NOL4L: variants seen among roughly 807,000 people sequenced by gnomAD.
NOL4L encodes nucleolar protein 4 like, also known as nucleolar protein 4-like.
Under a neutral mutation model 64.5 loss-of-function variants are expected in NOL4L, and 7 were observed. That is an observed-to-expected ratio of 0.11 (90% CI 0.06 to 0.20). The LOEUF is 0.20. NOL4L is among the 10% of genes least tolerant of loss of function. The pLI, the probability that NOL4L is intolerant of heterozygous loss-of-function variation, is 1.00. For synonymous variants in NOL4L, 413 were observed against 401.0 expected (o/e 1.03, Z -0.36); for missense variants, 680 against 967.1 (o/e 0.70, Z 3.94).
At position 32,551,378 on chromosome 20, in the gene NOL4L, A is replaced by AATCATC. The variant is rs58444321; in HGVS notation, c.322-23471_322-23466dup. ...ACGACAGCGTGAGACTCGGTCTCAA[A>AATCATC]ATCATCATCATCATCATCATCATCA... On this transcript the variant is annotated intron_variant, in intron 1 of 10. Coordinates refer to ENST00000621426, the MANE Select transcript of NOL4L (RefSeq NM_001256798.2). Among the ~76,000 whole-genome samples the AATCATC allele has an allele frequency of 2.2e-3, 325 of 149,656 alleles. 3 individuals are homozygous for AATCATC. Among genetic ancestry groups the AATCATC allele is most frequent in the Middle Eastern group, 3.4e-3 (1 of 292 alleles).
At chr20:32,579,381 T>C (rs1980329187) in intron 1 of NOL4L, among the ~76,000 whole-genome samples, 1 of 152,208 alleles carries the variant, frequency 6.6e-6, no homozygotes, top group South Asian at 2.1e-4. Flanking sequence ...AGCACACACA[T>C]GTTCAGGATT....
chr20:32,560,748 C>T (rs1009020829), intron 1 of NOL4L, among the ~76,000 whole-genome samples: 2 of 152,244 alleles, frequency 1.3e-5, no homozygotes, highest in South Asian at 2.1e-4. Flanking sequence ...AGAACCTGTG[C>T]GCCAAACCAC....
At chr20:32,546,859 G>C (rs2145602267) in intron 1 of NOL4L, among the ~76,000 whole-genome samples, 2 of 152,318 alleles carry the variant, frequency 1.3e-5, no homozygotes, top group Non-Finnish European at 2.9e-5. Context: ...CCCTGTGATG[G>C]AGGCTGTCTT....
chr20:32,504,753 GCCA>G (rs1407173849), intron 4 of NOL4L, among the ~76,000 whole-genome samples: 1 of 151,914 alleles, frequency 6.6e-6, no homozygotes, highest in Non-Finnish European at 1.5e-5. Flanking sequence ...ACAAGCACGT[GCCA>G]CCATGCCCAG....
rs563607836 is a variant in NOL4L, at chr20:32,573,242, C to G, written c.321+11328G>C. Among the ~76,000 whole-genome samples the G allele has an allele frequency of 3.3e-5, 5 of 152,252 alleles. No homozygotes were observed. The East Asian group carries it at 9.7e-4, about 29-fold the overall frequency. The stretch of plus-strand genomic sequence containing the variant: ...ATATTGCCAGGGCTGGTCTCAAACT[C>G]CTGGGCTCAAGTAATCCTCACACTT... On this transcript the variant is annotated intron_variant, in intron 1 of 10. Coordinates refer to ENST00000621426, the MANE Select transcript of NOL4L (RefSeq NM_001256798.2).
chr20:32,564,292 T>C (rs1022732), intron 1 of NOL4L, among the ~76,000 whole-genome samples: 81,938 of 152,132 alleles, frequency 0.54, 26,695 homozygotes, highest in East Asian at 0.99. Context: ...AAGCGGATGA[T>C]TCCCACGAAC....
At chr20:32,565,273 C>A (rs1358086449) in intron 1 of NOL4L, among the ~76,000 whole-genome samples, 1 of 150,562 alleles carries the variant, frequency 6.6e-6, no homozygotes, top group African/African-American at 2.4e-5. Flanking sequence ...GGTACCTCTT[C>A]CTCTTCTCGC....
intron 1 of NOL4L, among the ~76,000 whole-genome samples, chr20:32,574,711 C>A (rs1454885429): frequency 1.3e-5 from 2 of 152,116 alleles, no homozygotes; most frequent in Admixed American, 6.5e-5. Flanking sequence ...CGGGTCCCAG[C>A]CGGGAGGGGA....
Position 32,447,730 on chromosome 20 carries a change from G to T in NOL4L, c.1909C>A (p.Pro637Thr), listed in dbSNP as rs1313984377. The T allele has an allele frequency of 6.2e-7, 1 of 1,604,384 alleles. No individual in the cohort carries two copies. Among genetic ancestry groups the T allele is most frequent in the South Asian group, 1.1e-5 (1 of 90,624 alleles). Residue 637 changes from proline to threonine, a missense_variant, in exon 11 of 11, where the codon CCC (proline) becomes ACC (threonine). Coordinates refer to ENST00000621426, the MANE Select transcript of NOL4L (RefSeq NM_001256798.2). Reference protein sequence around the residue: ...PTPSSTSTSRPVPTAQLSPTE... With the variant: ...PTPSSTSTSRTVPTAQLSPTE... ...GGGCTGAGCTGAGCGGTGGGCACGG[G>T]CCTGCTGGTGCTGGTGCTGGAGGGG...
At chr20:32,545,268 G>A (rs2018716291) in intron 1 of NOL4L, among the ~76,000 whole-genome samples, 1 of 152,090 alleles carries the variant, frequency 6.6e-6, no homozygotes, top group Non-Finnish European at 1.5e-5. Flanking sequence ...GCATGACCCT[G>A]TCTCTAAAGA....
At chr20:32,497,464 G>A (rs530098425) in intron 4 of NOL4L, among the ~76,000 whole-genome samples, 8 of 152,220 alleles carry the variant, frequency 5.3e-5, no homozygotes, top group South Asian at 2.1e-4. Flanking sequence ...CAGGGGTCCC[G>A]CATTCAAAAT....
intron 5 of NOL4L, among the ~76,000 whole-genome samples, chr20:32,462,602 C>A (rs2145451416): frequency 1.0e-5 from 1 of 96,794 alleles, no homozygotes. Context: ...CCTCCCACAA[C>A]CCTTAAAAAA....
chr20:32,461,971 T>G (rs1205821618), intron 5 of NOL4L, among the ~76,000 whole-genome samples: 1 of 151,978 alleles, frequency 6.6e-6, no homozygotes, highest in Non-Finnish European at 1.5e-5. Flanking sequence ...TGAGTCTTCC[T>G]GGGCTCGCCG....
rs992846889 is a variant in NOL4L, at chr20:32,456,409, C to A, written c.842-14G>T. The stretch of plus-strand genomic sequence containing the variant: ...AGGAGGAGTCATCTGGAATGAGAGG[C>A]CTGGGTGTGAGGCCCCACCCAAGGC... On this transcript the variant is annotated splice_polypyrimidine_tract_variant and intron_variant, in intron 5 of 10. Transcript: ENST00000621426. 1.4e-6 allele frequency: 2 copies of A among 1,453,518 alleles called. No homozygotes were observed. Among genetic ancestry groups the A allele is most frequent in the Middle Eastern group, 2.0e-4 (1 of 5,098 alleles). 90.0% of individuals were successfully genotyped at this position (1,453,518 alleles called of 1,614,324 possible).
In NOL4L at chr20:32,520,813, T is replaced by C. The variant is rs1249373032; in HGVS notation, c.587A>G (p.Lys196Arg). Residue 196 changes from lysine to arginine, a missense_variant and splice_region_variant, in exon 3 of 11, where the codon AAA (lysine) becomes AGA (arginine). Around this residue, in one of 4 missense-constraint regions of NOL4L, gnomAD observed 181 missense variants for 335.2 expected, o/e 0.54. Transcript: ENST00000621426. Reference protein sequence around the residue: ...MHFNSNGLEPKENEPPSPLVS... With the variant: ...MHFNSNGLEPRENEPPSPLVS... The stretch of plus-strand genomic sequence containing the variant: ...CTCCAGCACGCCACCCCTGCTACCT[T>C]TGGGTTCCAGGCCATTGGAGTTAAA... 3 of 1,543,536 alleles carry C rather than the reference T, an allele frequency of 1.9e-6. No individual in the cohort carries two copies. Among genetic ancestry groups the C allele is most frequent in the East Asian group, 2.4e-5 (1 of 40,844 alleles).
Position 32,464,680 on chromosome 20 carries a change from C to T in NOL4L, c.842-8285G>A, listed in dbSNP as rs966036680. 4 of 227,382 alleles carry T rather than the reference C, an allele frequency of 1.8e-5. No homozygotes were observed. The highest frequency in any genetic ancestry group is 2.6e-5 in the Non-Finnish European group (3 of 117,462). The allele number at this position is 227,382 out of a possible 1,614,324, so 14.1% of individuals were successfully genotyped here. ...AGGTGCCAATTTAGGCCCTCACAGTCGGGAGCAGCACTGTCCGACAGAAAC... is the reference window on the plus strand; with the variant it reads ...AGGTGCCAATTTAGGCCCTCACAGTTGGGAGCAGCACTGTCCGACAGAAAC... On this transcript the variant is annotated intron_variant, in intron 5 of 10. Transcript: ENST00000621426. This position sits in a 1 kb window ranked among gnomAD's most constrained non-coding sequence, Gnocchi z 5.6.
At chr20:32,479,199 C>T (rs149022295) in intron 4 of NOL4L, among the ~76,000 whole-genome samples, 17 of 152,318 alleles carry the variant, frequency 1.1e-4, no homozygotes, top group Non-Finnish European at 2.5e-4. Flanking sequence ...AGATCAGAAC[C>T]CGTCAACGAC....
chr20:32,492,272 G>A (rs972331936), intron 4 of NOL4L, among the ~76,000 whole-genome samples: 3 of 152,176 alleles, frequency 2.0e-5, no homozygotes, highest in Non-Finnish European at 2.9e-5. Flanking sequence ...AACTACTGAC[G>A]CATGCCATAA....
chr20:32,505,349 T>G (rs2017097004), intron 4 of NOL4L, among the ~76,000 whole-genome samples: 1 of 152,098 alleles, frequency 6.6e-6, no homozygotes, highest in Admixed American at 6.5e-5. Flanking sequence ...AACAGATAAA[T>G]GCAGTAAACA....
Sources: allele counts gnomAD v4.1 joint callset (sites outside exome capture counted in the v4.1 genomes callset), GRCh38; gene constraint gnomAD v4.1.1; regional missense constraint gnomAD v4.1.1; non-coding constraint Gnocchi (gnomAD v3.1); transcripts MANE v1.5; gene names NCBI Gene and HGNC (gene_info 2026-07-23, HGNC 2026-07-21).